DGKK: variants seen among roughly 807,000 people sequenced by gnomAD.
DGKK encodes the protein 142 kDa diacylglycerol kinase.
DGKK carries 35 observed loss-of-function variants against 92.2 expected under a neutral mutation model. That is an observed-to-expected ratio of 0.38 (90% confidence interval 0.29 to 0.50). DGKK has a LOEUF of 0.50. Among genes scored for constraint, DGKK ranks in the 20% least tolerant of loss-of-function variants. DGKK has a pLI of 0.92. For synonymous variants in DGKK, 368 were observed against 360.6 expected, an observed-to-expected ratio of 1.02 and a Z score of -0.23; for missense variants, 910 against 992.2, an observed-to-expected ratio of 0.92 and a Z score of 1.11.
At chrX:50,374,093 C>T (rs1924209270) in intron 25 of DGKK, among the ~76,000 whole-genome samples, 2 of 111,677 alleles carry the variant, frequency 1.8e-5, no homozygotes, top group African/African-American at 6.5e-5. Flanking sequence ...AATTGTGTCC[C>T]CCCAGGAATG....
At chrX:50,454,625 G>C (rs1246339739) in intron 1 of DGKK, among the ~76,000 whole-genome samples, 2 of 111,519 alleles carry the variant, frequency 1.8e-5, no homozygotes, top group Non-Finnish European at 3.8e-5. Context: ...TAGGGTTCTT[G>C]CTGCTTCCAG....
chrX:50,408,031 A>G (rs1430469874), intron 4 of DGKK, among the ~76,000 whole-genome samples: 1 of 113,004 alleles, frequency 8.8e-6, no homozygotes, highest in African/African-American at 3.2e-5. Flanking sequence ...AATGACTTCC[A>G]GGGGTAGCTC....
At chrX:50,405,878 C>T (rs1202643324) in intron 4 of DGKK, among the ~76,000 whole-genome samples, 1 of 111,758 alleles carries the variant, frequency 8.9e-6, no homozygotes, top group Non-Finnish European at 1.9e-5. Context: ...TTGGCTTTGG[C>T]ACTTTGAGCT....
chrX:50,430,966 C>T (rs1034332465), intron 1 of DGKK, among the ~76,000 whole-genome samples: 1 of 111,413 alleles, frequency 9.0e-6, no homozygotes, highest in Non-Finnish European at 1.9e-5. Context: ...CTGCTGTGAC[C>T]TTTTCCTATG....
At chrX:50,462,767 G>T (rs1273820369) in intron 1 of DGKK, among the ~76,000 whole-genome samples, 1 of 107,702 alleles carries the variant, frequency 9.3e-6, no homozygotes, top group Non-Finnish European at 1.9e-5. Flanking sequence ...TGAAGCTGGG[G>T]AGCCCTCCCT....
intron 1 of DGKK, among the ~76,000 whole-genome samples, chrX:50,442,227 A>C (rs1890600): frequency 0.35 from 38,355 of 110,543 alleles, 5,048 homozygotes; most frequent in Admixed American, 0.43. Context: ...AATGCCATCT[A>C]TTTTCTGAAT....
At chrX:50,454,329 C>T (rs1205534796) in intron 1 of DGKK, among the ~76,000 whole-genome samples, 5 of 111,261 alleles carry the variant, frequency 4.5e-5, no homozygotes, top group Admixed American at 1.9e-4. Context: ...TGGCACAGCG[C>T]TCAACACAGA....
intron 1 of DGKK, among the ~76,000 whole-genome samples, chrX:50,438,847 T>G (rs1253939476): frequency 1.8e-5 from 2 of 111,637 alleles, no homozygotes; most frequent in Non-Finnish European, 3.8e-5. Flanking sequence ...AAAAACAAGC[T>G]ATTAATATCG....
intron 1 of DGKK, among the ~76,000 whole-genome samples, chrX:50,464,949 G>A (rs2147154427): frequency 9.0e-6 from 1 of 110,820 alleles, no homozygotes; most frequent in African/African-American, 3.3e-5. Flanking sequence ...CTCCCATATT[G>A]CTTCCCTCAT....
At chrX:50,409,438 A>G (rs1557227660) in intron 4 of DGKK, among the ~76,000 whole-genome samples, 4 of 111,966 alleles carry the variant, frequency 3.6e-5, no homozygotes, top group Non-Finnish European at 7.5e-5. Context: ...GCTTTCAGCC[A>G]CAAAATTTGC....
At chrX:50,452,213 C>T (rs1266462398) in intron 1 of DGKK, among the ~76,000 whole-genome samples, 3 of 111,511 alleles carry the variant, frequency 2.7e-5, no homozygotes, top group African/African-American at 9.8e-5. Context: ...AACCCAAATG[C>T]GTCTGACTCT....
At chrX:50,437,473 C>T (rs782542751) in intron 1 of DGKK, among the ~76,000 whole-genome samples, 1 of 112,302 alleles carries the variant, frequency 8.9e-6, no homozygotes, top group Non-Finnish European at 1.9e-5. Context: ...ATTAAGGTTG[C>T]TGAATCCTAA....
chrX:50,380,661 T>G (rs782313154), intron 18 of DGKK, among the ~76,000 whole-genome samples: 1 of 111,069 alleles, frequency 9.0e-6, no homozygotes, highest in Non-Finnish European at 1.9e-5. Flanking sequence ...GGATATCAGG[T>G]GACTTGAGGT....
intron 12 of DGKK, among the ~76,000 whole-genome samples, chrX:50,389,812 C>G (rs1333713475): frequency 9.0e-6 from 1 of 110,560 alleles, no homozygotes; most frequent in Non-Finnish European, 1.9e-5. Context: ...ACAATACACG[C>G]TGTTCCATCT....
chrX:50,437,029 G>A (rs1219003753), intron 1 of DGKK, among the ~76,000 whole-genome samples: 1 of 111,366 alleles, frequency 9.0e-6, no homozygotes, highest in Non-Finnish European at 1.9e-5. Flanking sequence ...GTAATATGAC[G>A]CTGGACCCAA....
chrX:50,470,447 A>G lies in DGKK; in HGVS notation c.232T>C (p.Tyr78His), dbSNP rs1176170610. 12 of 1,211,790 alleles carry G rather than the reference A, an allele frequency of 9.9e-6. No individual in the cohort carries two copies. Among genetic ancestry groups the G allele is most frequent in the Non-Finnish European group, 1.2e-5 (11 of 895,435 alleles). ...EATSESATELYTEPTPEPATE... is the reference protein window; with the variant it reads ...EATSESATELHTEPTPEPATE... The stretch of plus-strand genomic sequence containing the variant: ...GCTGGTTCTGGGGTCGGTTCTGTGT[A>G]CAGTTCTGTGGCTGATTCTGAGGTC... Residue 78 changes from tyrosine (Y) to histidine (H), a missense_variant, in exon 1 of 28, where the codon TAC (tyrosine) becomes CAC (histidine). By Grantham distance (83) the Tyr-to-His change is moderately conservative (BLOSUM62 2). Transcript: ENST00000611977.
At chrX:50,378,000 C>G in intron 22 of DGKK, 98 bp downstream of exon 22, 1 of 1,026,097 alleles carries the variant, frequency 9.7e-7, no homozygotes, top group Non-Finnish European at 1.3e-6. Context: ...GGCACACAGA[C>G]CTCCTTTTGA....
rs182040843 is a variant in DGKK, at chrX:50,373,916, T to C, written c.3501+1055A>G. The stretch of plus-strand genomic sequence containing the variant: ...GCCCAAAAATGGAGCCTCAGTCTGT[T>C]CTCCCTAGAACTAACAAAATGCACT... On this transcript the variant is annotated intron_variant, in intron 25 of 27. Coordinates refer to ENST00000611977, the MANE Select transcript of DGKK (RefSeq NM_001013742.4). Among the ~76,000 whole-genome samples, 192 of 111,790 alleles carry C rather than the reference T, an allele frequency of 1.7e-3. 1 individual carries two copies. Among genetic ancestry groups the C allele is most frequent in the African/African-American group, 5.9e-3 (182 of 30,831 alleles).
intron 1 of DGKK, among the ~76,000 whole-genome samples, chrX:50,455,695 T>A (rs1926591933): frequency 9.0e-6 from 1 of 111,652 alleles, no homozygotes; most frequent in African/African-American, 3.3e-5. Flanking sequence ...AAAGAGAGAA[T>A]AGCCAAAGGA....
Sources: gnomAD v4.1 joint callset for allele counts (sites outside exome capture counted in the v4.1 genomes callset) on GRCh38, gnomAD v4.1.1 for gene constraint, MANE v1.5 for transcripts, NCBI Gene and HGNC (gene_info 2026-07-23, HGNC 2026-07-21) for gene names.